Variants in LRRFIP2 observed in about 807,000 individuals in gnomAD.
LRRFIP2 encodes the protein leucine-rich repeat flightless-interacting protein 2.
Under a neutral mutation model 125.9 loss-of-function variants are expected in LRRFIP2, and 109 were observed. The observed-to-expected ratio is 0.87, with a 90% confidence interval of 0.74 to 1.01. The LOEUF (loss-of-function observed/expected upper bound fraction) is 1.01. Among genes scored for constraint, LRRFIP2 ranks in the 50% least tolerant of loss-of-function variants. LRRFIP2 has a pLI of 0.00. For missense variants in LRRFIP2, 850 were observed against 862.3 expected (o/e 0.99, Z 0.18); for synonymous variants, 291 against 293.1 (o/e 0.99, Z 0.07).
intron 18 of LRRFIP2, among the ~76,000 whole-genome samples, chr3:37,088,074 A>G (rs2093190547): frequency 6.6e-6 from 1 of 152,240 alleles, no homozygotes; most frequent in Admixed American, 6.5e-5. Flanking sequence ...GACACACACC[A>G]AAGTGCTGAA....
rs202113835 is a variant in LRRFIP2, at chr3:37,112,909, A to C, written c.438+6T>G. 6.6e-7 allele frequency: 1 copy of C among 1,521,932 alleles called. No homozygotes were observed. The highest frequency in any genetic ancestry group is 1.4e-5 in the African/African-American group (1 of 73,560). 94.3% of individuals were successfully genotyped at this position (1,521,932 alleles called of 1,614,324 possible). On this transcript the variant is annotated splice_donor_region_variant and intron_variant, in intron 8 of 27. Transcript: ENST00000336686. ...GAATTGTGATATGAGAGACAACAGA[A>C]CTAACCAGTAGGTCTTTATGAGAAT...
At chr3:37,098,397 C>CT (rs1234406629) in intron 15 of LRRFIP2, among the ~76,000 whole-genome samples, 4 of 145,476 alleles carry the variant, frequency 2.7e-5, no homozygotes, top group Admixed American at 6.9e-5. Context: ...TCTTTTTTTT[C>CT]TTTTTTTTGA....
Position 37,053,777 on chromosome 3 carries a change from T to C in LRRFIP2, c.*74A>G. 1.1e-6 allele frequency: 1 copy of C among 915,456 alleles called. No individual in the cohort carries two copies. The allele number at this position is 915,456 out of a possible 1,614,324, so 56.7% of individuals were successfully genotyped here. On this transcript the variant is annotated 3_prime_UTR_variant, in exon 28 of 28. Transcript: ENST00000336686. ...ACTCAAAACAGTACTAAAAGGGGTT[T>C]GTGTCAATGGACAAAAGTCAGTCCC...
chr3:37,088,070 C>A (rs1236800388), intron 18 of LRRFIP2, among the ~76,000 whole-genome samples: 1 of 152,178 alleles, frequency 6.6e-6, no homozygotes, highest in African/African-American at 2.4e-5. Flanking sequence ...TTATGACACA[C>A]ACCAAAGTGC....
In LRRFIP2 at chr3:37,065,812, A is replaced by T. The variant is rs1364885124; in HGVS notation, c.1697T>A (p.Leu566Ter). ...CAACATAGCAACCAGTATCTTACCTAATGGCCCTTCTCCTGCTGACTCCAA... is the reference window on the plus strand; with the variant it reads ...CAACATAGCAACCAGTATCTTACCTTATGGCCCTTCTCCTGCTGACTCCAA... ...QVLESAGEGP[L>*]DVRLRKLAGE... Residue 566 changes from leucine (L) to a stop codon, truncating the protein, a stop_gained and splice_region_variant, in exon 23 of 28, where the codon TTA (leucine) becomes TAA (stop). Transcript: ENST00000336686. LOFTEE classifies it high-confidence loss of function. The T allele has an allele frequency of 6.2e-7, 1 of 1,614,194 alleles. No individual in the cohort carries two copies.
intron 6 of LRRFIP2, among the ~76,000 whole-genome samples, chr3:37,116,348 G>A (rs1435008342): frequency 6.6e-6 from 1 of 151,642 alleles, no homozygotes; most frequent in Non-Finnish European, 1.5e-5. Flanking sequence ...TGTTGCCCAG[G>A]TTGGTCTTGA....
chr3:37,090,218 T>TTTTTTG (rs1553720875), intron 18 of LRRFIP2, among the ~76,000 whole-genome samples: 2 of 150,914 alleles, frequency 1.3e-5, no homozygotes, highest in Non-Finnish European at 3.0e-5. Context: ...ATTTTACTTT[T>TTTTTTG]TTTGTTTGTT....
At chr3:37,114,972 G>A in intron 7 of LRRFIP2, 82 bp downstream of exon 7, 2 of 1,077,120 alleles carry the variant, frequency 1.9e-6, no homozygotes, top group Non-Finnish European at 2.8e-6. Flanking sequence ...AGCCATGAAA[G>A]TTAGTCATAT....
intron 18 of LRRFIP2, among the ~76,000 whole-genome samples, chr3:37,089,514 T>C (rs994292838): frequency 6.6e-6 from 1 of 152,042 alleles, no homozygotes; most frequent in Non-Finnish European, 1.5e-5. Context: ...CAGACAATCT[T>C]TTCTTTATTT....
intron 21 of LRRFIP2, among the ~76,000 whole-genome samples, chr3:37,069,177 T>A (rs902026718): frequency 5.3e-5 from 8 of 152,172 alleles, no homozygotes; most frequent in Non-Finnish European, 1.2e-4. Context: ...GAACACAGTA[T>A]AACTGTTACT....
At chr3:37,115,233 C>T (rs2094725072) in intron 6 of LRRFIP2, 138 bp from the exon 7 acceptor site, 1 of 573,136 alleles carries the variant, frequency 1.7e-6, no homozygotes. Flanking sequence ...AAAGCTAATC[C>T]AGTTGAATTA....
At chr3:37,117,538 G>A (rs941207692) in intron 6 of LRRFIP2, among the ~76,000 whole-genome samples, 4 of 151,630 alleles carry the variant, frequency 2.6e-5, no homozygotes, top group Admixed American at 2.0e-4. Context: ...AAATAGTAAG[G>A]GCTCATTTCC....
At chr3:37,117,267 C>T (rs1376922925) in intron 6 of LRRFIP2, among the ~76,000 whole-genome samples, 2 of 151,926 alleles carry the variant, frequency 1.3e-5, no homozygotes, top group Non-Finnish European at 2.9e-5. Flanking sequence ...TCTATAGCAC[C>T]AGTGGCATTT....
At chr3:37,075,704 A>G (rs1041157726) in intron 19 of LRRFIP2, among the ~76,000 whole-genome samples, 5 of 152,158 alleles carry the variant, frequency 3.3e-5, no homozygotes, top group African/African-American at 7.2e-5. Context: ...TCATCATCAG[A>G]GCAAGTTGAT....
At chr3:37,068,665 G>A (rs968581307) in intron 21 of LRRFIP2, 11 of 151,216 alleles carry the variant, frequency 7.3e-5, no homozygotes, top group African/African-American at 2.2e-4. Context: ...AAAAGTACAC[G>A]CTTGTAGAGT....
At chr3:37,057,314 TACTGA>T (rs1053262274) in intron 25 of LRRFIP2, among the ~76,000 whole-genome samples, 1 of 152,228 alleles carries the variant, frequency 6.6e-6, no homozygotes, top group Non-Finnish European at 1.5e-5. Context: ...TGCTGACAGC[TACTGA>T]ACTGGTTCAG....
At chr3:37,160,554 C>T (rs1299912769) in intron 1 of LRRFIP2, among the ~76,000 whole-genome samples, 1 of 152,024 alleles carries the variant, frequency 6.6e-6, no homozygotes, top group Non-Finnish European at 1.5e-5. Flanking sequence ...CTGACGCAGG[C>T]GGATCACCTG....
intron 13 of LRRFIP2, among the ~76,000 whole-genome samples, 186 bp downstream of exon 13, chr3:37,107,887 G>A (rs931677804): frequency 9.2e-5 from 14 of 152,164 alleles, no homozygotes; most frequent in African/African-American, 3.4e-4. Flanking sequence ...TACATGCTAA[G>A]TCACATTTAT....
At chr3:37,063,061 A>T (rs1483138608) in intron 24 of LRRFIP2, among the ~76,000 whole-genome samples, 1 of 152,188 alleles carries the variant, frequency 6.6e-6, no homozygotes, top group African/African-American at 2.4e-5. Flanking sequence ...GAAAATACTG[A>T]GTGGGATTAA....
Sources: allele counts gnomAD v4.1 joint callset (sites outside exome capture counted in the v4.1 genomes callset), GRCh38; gene constraint gnomAD v4.1.1; transcripts MANE v1.5; gene names NCBI Gene and HGNC (gene_info 2026-07-23, HGNC 2026-07-21).